TIAM1: variants seen among roughly 807,000 people sequenced by gnomAD.
TIAM1 encodes rho guanine nucleotide exchange factor TIAM1.
Under a neutral mutation model 163.5 loss-of-function variants are expected in TIAM1, and 65 were observed. The observed-to-expected ratio is 0.40, with a 90% CI of 0.33 to 0.49. The LOEUF (loss-of-function observed/expected upper bound fraction) is 0.49, where lower values mean the gene tolerates loss of function less well. Among genes scored for constraint, TIAM1 ranks in the 20% least tolerant of loss-of-function variants. The pLI is 0.77. For synonymous variants in TIAM1, 833 were observed against 810.1 expected (o/e 1.03, Z -0.48); for missense variants, 1,789 against 2,044.7 (o/e 0.87, Z 2.41).
intron 2 of TIAM1, among the ~76,000 whole-genome samples, chr21:31,391,519 G>T (rs761437637): frequency 6.6e-6 from 1 of 152,082 alleles, no homozygotes; most frequent in Non-Finnish European, 1.5e-5. Flanking sequence ...CAGCTACTCG[G>T]GAGGCTGAGG....
intron 16 of TIAM1, among the ~76,000 whole-genome samples, chr21:31,155,096 T>A (rs2083557220): frequency 1.3e-5 from 2 of 152,236 alleles, no homozygotes; most frequent in Non-Finnish European, 2.9e-5. Context: ...AAAATAGGCC[T>A]CAATGGGAGA....
At chr21:31,149,312 C>A (rs1027634528) in intron 19 of TIAM1, among the ~76,000 whole-genome samples, 1 of 152,152 alleles carries the variant, frequency 6.6e-6, no homozygotes, top group African/African-American at 2.4e-5. Context: ...GGAATATCTG[C>A]ATTATATTTA....
At chr21:31,161,034 GTT>G (rs1031873457) in intron 16 of TIAM1, 10 of 97,624 alleles carry the variant, frequency 1.0e-4, no homozygotes, top group African/African-American at 3.7e-4. Flanking sequence ...ACTAAGAAAA[GTT>G]GTGTGTGTGT....
At chr21:31,126,028 T>C (rs2082184604) in intron 26 of TIAM1, among the ~76,000 whole-genome samples, 1 of 152,196 alleles carries the variant, frequency 6.6e-6, no homozygotes, top group Non-Finnish European at 1.5e-5. Context: ...TTACTTTTAA[T>C]GGTAAAAACT....
intron 2 of TIAM1, among the ~76,000 whole-genome samples, chr21:31,413,985 G>A (rs1035540062): frequency 1.3e-5 from 2 of 152,202 alleles, no homozygotes; most frequent in Admixed American, 6.5e-5. Context: ...ATTCTTCCAA[G>A]TTCAAGGCAA....
At chr21:31,210,814 G>GAAAGAAAA (rs147674572) in intron 10 of TIAM1, among the ~76,000 whole-genome samples, 1 of 147,616 alleles carries the variant, frequency 6.8e-6, no homozygotes, top group Non-Finnish European at 1.5e-5. Flanking sequence ...AAGAAAGAAA[G>GAAAGAAAA]GTCACCATTC....
chr21:31,296,490 A>G (rs2074271261), intron 2 of TIAM1, among the ~76,000 whole-genome samples: 1 of 152,164 alleles, frequency 6.6e-6, no homozygotes, highest in Non-Finnish European at 1.5e-5. Context: ...AATTTTTAAA[A>G]CTCCTGCTTA....
chr21:31,496,935 T>A (rs1040140290), intron 1 of TIAM1, among the ~76,000 whole-genome samples: 21 of 152,200 alleles, frequency 1.4e-4, no homozygotes, highest in Non-Finnish European at 1.5e-5. Context: ...TAGATTCTCA[T>A]AAGGAGCACG....
intron 3 of TIAM1, among the ~76,000 whole-genome samples, chr21:31,276,140 C>T (rs1211484102): frequency 6.6e-6 from 1 of 151,756 alleles, no homozygotes; most frequent in Non-Finnish European, 1.5e-5. Context: ...AGCTTGAAGA[C>T]GGTGTTGGGG....
At chr21:31,502,055 G>C (rs2147449095) in intron 1 of TIAM1, among the ~76,000 whole-genome samples, 1 of 152,300 alleles carries the variant, frequency 6.6e-6, no homozygotes, top group Non-Finnish European at 1.5e-5. Context: ...TCTCCCCCAG[G>C]TTTCACTTAG....
intron 2 of TIAM1, among the ~76,000 whole-genome samples, chr21:31,387,228 G>A (rs1177871543): frequency 7.3e-6 from 1 of 137,386 alleles, no homozygotes; most frequent in African/African-American, 2.7e-5. Flanking sequence ...TTTGGAGGTG[G>A]GGGGCACAGT....
In TIAM1 at chr21:31,266,924, T is replaced by C; in HGVS notation, c.49A>G (p.Lys17Glu). 5 of 1,611,376 alleles carry C rather than the reference T, an allele frequency of 3.1e-6. No homozygotes were observed. Among genetic ancestry groups the C allele is most frequent in the Non-Finnish European group, 4.2e-6 (5 of 1,177,912 alleles). ...TGCTTGCGCCCCAGGCTGGCATGCT[T>C]TTCTCCATAAAACTCGTGCTCTACA... ...QHVEHEFYGE[K>E]HASLGRKHTS... Residue 17 changes from lysine (K) to glutamate (E), a missense_variant, in exon 4 of 28, where the codon AAG (lysine) becomes GAG (glutamate). By Grantham distance (56) the Lys-to-Glu change is moderately conservative. Coordinates refer to ENST00000541036, the MANE Select transcript of TIAM1 (RefSeq NM_001353694.2).
Position 31,213,476 on chromosome 21 carries a change from C to G in TIAM1, c.2143-4G>C. 1 of 1,613,782 alleles carries G rather than the reference C, an allele frequency of 6.2e-7. No individual in the cohort carries two copies. The highest frequency in any genetic ancestry group is 8.5e-7 in the Non-Finnish European group (1 of 1,179,884). On this transcript the variant is annotated splice_region_variant and splice_polypyrimidine_tract_variant and intron_variant, in intron 9 of 27. Transcript: ENST00000541036. ...CTTCGGTTCCCTCTCCAAACACCTGCATATACAAAAGTACCACCTTAAAAA... is the reference window on the plus strand; with the variant it reads ...CTTCGGTTCCCTCTCCAAACACCTGGATATACAAAAGTACCACCTTAAAAA...
At chr21:31,309,615 G>A (rs1246789608) in intron 2 of TIAM1, among the ~76,000 whole-genome samples, 1 of 152,170 alleles carries the variant, frequency 6.6e-6, no homozygotes, top group Non-Finnish European at 1.5e-5. Context: ...TCTGGCTGGC[G>A]TCCTTCTGAA....
chr21:31,171,446 G>T (rs2084509172), intron 15 of TIAM1, among the ~76,000 whole-genome samples: 1 of 152,084 alleles, frequency 6.6e-6, no homozygotes, highest in African/African-American at 2.4e-5. Flanking sequence ...ACTGATAAAA[G>T]TTATCTTCAA....
chr21:31,521,450 T>G (rs1602481198), intron 1 of TIAM1, among the ~76,000 whole-genome samples: 1 of 152,250 alleles, frequency 6.6e-6, no homozygotes, highest in African/African-American at 2.4e-5. Flanking sequence ...CAATTGAGTC[T>G]CTTAAAAAGT....
intron 2 of TIAM1, among the ~76,000 whole-genome samples, chr21:31,429,681 T>A (rs1225092674): frequency 6.6e-6 from 1 of 152,106 alleles, no homozygotes; most frequent in Non-Finnish European, 1.5e-5. Flanking sequence ...CACCTGTGGC[T>A]GCAGCCTCCC....
At chr21:31,167,414 C>T (rs1360900746) in intron 15 of TIAM1, among the ~76,000 whole-genome samples, 2 of 152,056 alleles carry the variant, frequency 1.3e-5, no homozygotes, top group Non-Finnish European at 2.9e-5. Flanking sequence ...CCGTTGAGAG[C>T]CAGGTTTCCT....
chr21:31,196,367 A>G (rs2085857912), intron 12 of TIAM1, among the ~76,000 whole-genome samples: 1 of 148,830 alleles, frequency 6.7e-6, no homozygotes, highest in African/African-American at 2.5e-5. Context: ...GCTGGAGTGC[A>G]GTGGCGCGAT....
Sources: allele counts gnomAD v4.1 joint callset (sites outside exome capture counted in the v4.1 genomes callset), GRCh38; gene constraint gnomAD v4.1.1; transcripts MANE v1.5; gene names NCBI Gene and HGNC (gene_info 2026-07-23, HGNC 2026-07-21).